Variants in FGF12 observed in about 807,000 individuals in gnomAD.
FGF12 encodes fibroblast growth factor 12B.
In FGF12, 14 loss-of-function variants were observed where a neutral mutation model predicts 23.6. That is an observed-to-expected ratio of 0.59 (90% confidence interval 0.39 to 0.93). The LOEUF is 0.93. FGF12 is among the 40% of genes least tolerant of loss of function. FGF12 has a pLI of 0.00. For missense variants in FGF12, 175 were observed against 217.8 expected (o/e 0.80, Z 1.24); for synonymous variants, 62 against 77.3 (o/e 0.80, Z 1.04).
chr3:192,560,275 A>C (rs1324373111), intron 2 of FGF12, among the ~76,000 whole-genome samples: 1 of 152,094 alleles, frequency 6.6e-6, no homozygotes, highest in Non-Finnish European at 1.5e-5. Flanking sequence ...TTTGAAAAAA[A>C]TTAAAATCAA....
chr3:192,576,901 T>C (rs762339718), intron 2 of FGF12, among the ~76,000 whole-genome samples: 24 of 152,168 alleles, frequency 1.6e-4, no homozygotes, highest in Non-Finnish European at 1.2e-4. Context: ...TTCATGTTCT[T>C]TGCAGGGACA....
chr3:192,482,403 G>A (rs1443163584), intron 2 of FGF12, among the ~76,000 whole-genome samples: 1 of 152,110 alleles, frequency 6.6e-6, no homozygotes, highest in Non-Finnish European at 1.5e-5. Context: ...GGAGGCCAAG[G>A]CAGGAAGATC....
chr3:192,414,806 A>C (rs1721294917), intron 2 of FGF12, among the ~76,000 whole-genome samples: 1 of 152,156 alleles, frequency 6.6e-6, no homozygotes, highest in South Asian at 2.1e-4. Flanking sequence ...ACATGGTTTC[A>C]CATCTTGTGA....
intron 2 of FGF12, among the ~76,000 whole-genome samples, chr3:192,684,849 T>C (rs369482501): frequency 6.6e-6 from 1 of 152,302 alleles, no homozygotes; most frequent in South Asian, 2.1e-4. Context: ...AGGCAAGGAA[T>C]CTATAATAAT....
At chr3:192,659,327 C>A (rs1356994219) in intron 2 of FGF12, among the ~76,000 whole-genome samples, 3 of 152,080 alleles carry the variant, frequency 2.0e-5, no homozygotes, top group Admixed American at 2.0e-4. Flanking sequence ...CTGATAATAT[C>A]TAACAACAGT....
chr3:192,591,014 G>C (rs1713599178), intron 2 of FGF12, among the ~76,000 whole-genome samples: 1 of 151,246 alleles, frequency 6.6e-6, no homozygotes, highest in Non-Finnish European at 1.5e-5. Context: ...GTCTCCTCAA[G>C]GGGCCTTGCC....
chr3:192,413,443 A>G (rs143581963), intron 2 of FGF12, among the ~76,000 whole-genome samples: 9 of 152,328 alleles, frequency 5.9e-5, no homozygotes, highest in African/African-American at 2.2e-4. Context: ...TAATAATACT[A>G]GCAGTACCTA....
At chr3:192,170,812 T>G (rs1715515722) in intron 4 of FGF12, among the ~76,000 whole-genome samples, 156 bp from the exon 5 acceptor site, 1 of 152,158 alleles carries the variant, frequency 6.6e-6, no homozygotes, top group African/African-American at 2.4e-5. Flanking sequence ...TTACAAAGAT[T>G]CATCATACAA....
At chr3:192,545,844 GTGGGC>G (rs1560146026) in intron 2 of FGF12, among the ~76,000 whole-genome samples, 1 of 151,976 alleles carries the variant, frequency 6.6e-6, no homozygotes, top group Non-Finnish European at 1.5e-5. Context: ...CATTTGAGCT[GTGGGC>G]AAAGGACGTT....
chr3:192,362,496 T>C (rs1718779495), intron 2 of FGF12, among the ~76,000 whole-genome samples: 1 of 152,018 alleles, frequency 6.6e-6, no homozygotes, highest in Admixed American at 6.6e-5. Context: ...TGTTTGGTTT[T>C]CTGTCCTTGC....
At chr3:192,552,285 C>T (rs1711558596) in intron 2 of FGF12, among the ~76,000 whole-genome samples, 1 of 151,458 alleles carries the variant, frequency 6.6e-6, no homozygotes, top group Non-Finnish European at 1.5e-5. Context: ...TCAGAAAATT[C>T]AACTATTTGT....
intron 3 of FGF12, among the ~76,000 whole-genome samples, chr3:192,355,580 C>A (rs1718434955): frequency 1.3e-5 from 2 of 152,290 alleles, no homozygotes; most frequent in South Asian, 2.1e-4. Context: ...CACACCAGAG[C>A]AGAACTGGGG....
intron 4 of FGF12, among the ~76,000 whole-genome samples, chr3:192,237,773 C>T (rs1719380767): frequency 6.6e-6 from 1 of 152,172 alleles, no homozygotes; most frequent in Non-Finnish European, 1.5e-5. Flanking sequence ...TCAACCTTCT[C>T]CTGTAACTAT....
At chr3:192,373,265 A>G (rs867743431) in intron 2 of FGF12, among the ~76,000 whole-genome samples, 6 of 151,110 alleles carry the variant, frequency 4.0e-5, no homozygotes, top group Middle Eastern at 6.8e-3. Flanking sequence ...CATAGTGCCC[A>G]TTAACATACA....
At chr3:192,692,015 A>G (rs1443885874) in intron 2 of FGF12, among the ~76,000 whole-genome samples, 1 of 152,192 alleles carries the variant, frequency 6.6e-6, no homozygotes, top group Non-Finnish European at 1.5e-5. Flanking sequence ...AGATTAATGT[A>G]GTAATTAAAA....
Position 192,408,270 on chromosome 3 carries a change from G to A in FGF12, c.14-47732C>T. ...GGCCCCAGCCTCTACTGCGCCCTCC[G>A]GCTTGCGCTCCGCCGGGGCGAGGGC... On this transcript the variant is annotated intron_variant, in intron 2 of 5. Coordinates refer to ENST00000445105, the MANE Select transcript of FGF12 (RefSeq NM_004113.6). The surrounding 1 kb of genome is among the most constrained non-coding windows in gnomAD (Gnocchi z 7.3). 5.3e-6 allele frequency: 8 copies of A among 1,518,486 alleles called. No homozygotes were observed. Among genetic ancestry groups the A allele is most frequent in the Non-Finnish European group, 7.0e-6 (8 of 1,138,508 alleles). 94.1% of individuals were successfully genotyped at this position (1,518,486 alleles called of 1,614,324 possible).
intron 2 of FGF12, among the ~76,000 whole-genome samples, chr3:192,554,855 C>A: frequency 6.6e-6 from 1 of 151,574 alleles, no homozygotes; most frequent in African/African-American, 2.4e-5. Context: ...TTTAAACACC[C>A]AGAAAGTTTG....
intron 2 of FGF12, among the ~76,000 whole-genome samples, chr3:192,711,254 T>C (rs188984708): frequency 9.0e-5 from 13 of 144,378 alleles, no homozygotes; most frequent in East Asian, 2.0e-4. Context: ...GGCCAGCCCC[T>C]GCCCGGCCAG....
At chr3:192,655,089 T>A (rs1716352845) in intron 2 of FGF12, among the ~76,000 whole-genome samples, 2 of 152,188 alleles carry the variant, frequency 1.3e-5, no homozygotes, top group Admixed American at 1.3e-4. Context: ...TTATGAAACA[T>A]CTTCTTAAAG....
Sources: allele counts gnomAD v4.1 joint callset (sites outside exome capture counted in the v4.1 genomes callset), GRCh38; gene constraint gnomAD v4.1.1; non-coding constraint Gnocchi (gnomAD v3.1); transcripts MANE v1.5; gene names NCBI Gene and HGNC (gene_info 2026-07-23, HGNC 2026-07-21).